The following ROBO2 variants were observed in gnomAD, a reference collection of about 807,000 sequenced individuals.
The protein encoded by ROBO2 is roundabout guidance receptor 2, also known as roundabout homolog 2.
In ROBO2, 53 loss-of-function variants were observed where a neutral mutation model predicts 160.8. That is an observed-to-expected ratio of 0.33 (90% CI 0.26 to 0.41). ROBO2 has a LOEUF of 0.41. Ranked by LOEUF, ROBO2 falls within the 10% of genes least tolerant of loss-of-function variation. ROBO2 has a pLI of 1.00. For synonymous variants in ROBO2, 664 were observed against 611.7 expected, an observed-to-expected ratio of 1.09 and a Z score of -1.26; for missense variants, 1,577 against 1,722.4, an observed-to-expected ratio of 0.92 and a Z score of 1.49.
chr3:76,657,635 CATAT>C (rs1217999562), intron 2 of ROBO2, among the ~76,000 whole-genome samples: 2 of 137,262 alleles, frequency 1.5e-5, no homozygotes, highest in African/African-American at 5.8e-5. Flanking sequence ...TATATATATT[CATAT>C]ATATGTGTAT....
intron 2 of ROBO2, among the ~76,000 whole-genome samples, chr3:76,872,569 A>G (rs1481084884): frequency 6.6e-6 from 1 of 152,068 alleles, no homozygotes; most frequent in Non-Finnish European, 1.5e-5. Context: ...CAAAAAAGGT[A>G]TAGAATTGTA....
chr3:76,238,742 A>G (rs1172755815), intron 2 of ROBO2, among the ~76,000 whole-genome samples: 1 of 151,532 alleles, frequency 6.6e-6, no homozygotes, highest in African/African-American at 2.4e-5. Context: ...TGTGAGAAGA[A>G]CATGAGGAAA....
intron 2 of ROBO2, among the ~76,000 whole-genome samples, chr3:77,432,683 A>G (rs1408615616): frequency 6.6e-6 from 1 of 152,152 alleles, no homozygotes; most frequent in South Asian, 2.1e-4. Context: ...CACAAACCCA[A>G]CTTTTCAGTG....
chr3:77,488,102 A>G (rs190939914), intron 4 of ROBO2, among the ~76,000 whole-genome samples: 3 of 152,292 alleles, frequency 2.0e-5, no homozygotes, highest in East Asian at 1.9e-4. Flanking sequence ...TGATTTTATT[A>G]TAGCTGTATA....
intron 2 of ROBO2, among the ~76,000 whole-genome samples, chr3:76,150,618 T>C (rs763745598): frequency 1.7e-4 from 26 of 152,188 alleles, no homozygotes; most frequent in Admixed American, 1.2e-3. Context: ...CATCCCTAGG[T>C]CACCACATGG....
rs781109981 is a variant in ROBO2, at chr3:77,538,845, C to T, written c.935-7493C>T. 12 of 491,414 alleles carry T rather than the reference C, an allele frequency of 2.4e-5. No individual in the cohort carries two copies. The East Asian group carries it at 3.4e-4, about 14-fold the overall frequency. The allele number at this position is 491,414 out of a possible 1,614,324, so 30.4% of individuals were successfully genotyped here. Reference sequence around the variant, plus strand: ...GGTCTATAATTGCATTGCAAAGAAACGATTTCTCACTCTCTGTTTCTTGTT... The same window carrying T: ...GGTCTATAATTGCATTGCAAAGAAATGATTTCTCACTCTCTGTTTCTTGTT... On this transcript the variant is annotated intron_variant, in intron 6 of 25. Transcript: ENST00000461745.
At chr3:77,131,303 A>G (rs910336438) in intron 2 of ROBO2, among the ~76,000 whole-genome samples, 15 of 152,178 alleles carry the variant, frequency 9.9e-5, no homozygotes, top group Admixed American at 2.0e-4. Context: ...CAAAAAGGCT[A>G]TGTATAGGCA....
At chr3:76,996,560 G>C (rs555788903) in intron 2 of ROBO2, among the ~76,000 whole-genome samples, 2 of 152,142 alleles carry the variant, frequency 1.3e-5, no homozygotes, top group South Asian at 4.2e-4. Context: ...CTATTTTCAT[G>C]GTATTGATTC....
intron 2 of ROBO2, among the ~76,000 whole-genome samples, chr3:76,663,889 G>T (rs1404998032): frequency 6.6e-6 from 1 of 151,512 alleles, no homozygotes; most frequent in African/African-American, 2.4e-5. Context: ...GGCAACAAGA[G>T]CGAAACTCCA....
At chr3:77,385,318 C>G (rs186588379) in intron 2 of ROBO2, among the ~76,000 whole-genome samples, 80 of 152,204 alleles carry the variant, frequency 5.3e-4, no homozygotes, top group African/African-American at 1.9e-3. Context: ...CGTGAGCCAC[C>G]GCACCTGGCC....
intron 2 of ROBO2, among the ~76,000 whole-genome samples, chr3:76,472,046 C>T (rs989583544): frequency 6.6e-6 from 1 of 150,440 alleles, no homozygotes; most frequent in Non-Finnish European, 1.5e-5. Flanking sequence ...TTCAACATTT[C>T]TCTGTGGTCT....
chr3:76,992,325 C>CTACATATA (rs2060712594), intron 2 of ROBO2, among the ~76,000 whole-genome samples: 1 of 46,890 alleles, frequency 2.1e-5, no homozygotes, highest in Non-Finnish European at 3.8e-5. Context: ...CCATGTATTA[C>CTACATATA]TATATATATA....
At chr3:76,490,201 G>A (rs1177066890) in intron 2 of ROBO2, among the ~76,000 whole-genome samples, 2 of 152,202 alleles carry the variant, frequency 1.3e-5, no homozygotes, top group East Asian at 1.9e-4. Context: ...CAGAGCTAAA[G>A]GATGGATCCC....
intron 2 of ROBO2, among the ~76,000 whole-genome samples, chr3:77,298,170 C>T (rs2062323243): frequency 6.6e-6 from 1 of 152,112 alleles, no homozygotes; most frequent in Admixed American, 6.6e-5. Context: ...AAGAAAAATT[C>T]TCAGCATGAA....
intron 2 of ROBO2, among the ~76,000 whole-genome samples, chr3:76,432,586 C>T (rs2076484943): frequency 6.6e-6 from 1 of 152,066 alleles, no homozygotes; most frequent in Non-Finnish European, 1.5e-5. Flanking sequence ...TGGGAGGAGA[C>T]CTCAGTTCCC....
In ROBO2 at chr3:76,910,740, A is replaced by G. The variant is rs970820902; in HGVS notation, c.110-187274A>G. Among the ~76,000 whole-genome samples the G allele has an allele frequency of 1.6e-3, 242 of 148,306 alleles. 1 individual carries two copies. The highest frequency in any genetic ancestry group is 3.0e-3 in the Non-Finnish European group (200 of 67,394). ...AACTCTGTCTCAAAAAAAAAAAAAAAAAAAGAAAAAAAAAGAAATCATATA... is the reference window on the plus strand; with the variant it reads ...AACTCTGTCTCAAAAAAAAAAAAAAGAAAAGAAAAAAAAAGAAATCATATA... On this transcript the variant is annotated intron_variant, in intron 2 of 26. Transcript: ENST00000487694.
intron 2 of ROBO2, among the ~76,000 whole-genome samples, chr3:76,523,016 A>C (rs931203788): frequency 2.0e-5 from 3 of 148,006 alleles, no homozygotes; most frequent in Admixed American, 1.4e-4. Context: ...TAAAATATAT[A>C]ATATATTTTA....
At chr3:76,693,069 A>G (rs2092841555) in intron 2 of ROBO2, among the ~76,000 whole-genome samples, 2 of 149,966 alleles carry the variant, frequency 1.3e-5, no homozygotes, top group African/African-American at 4.9e-5. Context: ...GTGTGTATCT[A>G]TATATAGTGT....
At chr3:75,952,068 A>G (rs1261975129) in intron 2 of ROBO2, among the ~76,000 whole-genome samples, 16 of 152,052 alleles carry the variant, frequency 1.1e-4, no homozygotes, top group Admixed American at 9.2e-4. Context: ...CTGGACTTCA[A>G]TGTCTTACAT....
Sources: allele counts gnomAD v4.1 joint callset (sites outside exome capture counted in the v4.1 genomes callset), GRCh38; gene constraint gnomAD v4.1.1; transcripts MANE v1.5; gene names NCBI Gene and HGNC (gene_info 2026-07-23, HGNC 2026-07-21).